PPY: variants seen among roughly 807,000 people sequenced by gnomAD.
PPY encodes the protein pancreatic polypeptide prohormone.
Under a neutral mutation model 9.3 loss-of-function variants are expected in PPY, and 6 were observed. The ratio of observed to expected loss-of-function variants is 0.64; its 90% CI spans 0.35 to 1.27. The LOEUF is 1.27. Among genes scored for constraint, PPY ranks in the 50% most tolerant of loss-of-function variants. The pLI, the probability that PPY is intolerant of heterozygous loss-of-function variation, is 0.03. For synonymous variants in PPY, 58 were observed against 54.6 expected, an observed-to-expected ratio of 1.06 and a Z score of -0.27; for missense variants, 109 against 119.1, an observed-to-expected ratio of 0.91 and a Z score of 0.40.
chr17:43,941,611 G>C lies in PPY; in HGVS notation c.44C>G (p.Thr15Ser). 1 of 1,613,164 alleles carries C rather than the reference G, an allele frequency of 6.2e-7. No individual in the cohort carries two copies. The highest frequency in any genetic ancestry group is 2.2e-5 in the East Asian group (1 of 44,880). ...TGGCTGTAGTAACAGAGCCACGCAG[G>C]TGGACAGGAGCAGCAGGGAGAGGCA... ...RLCLSLLLLS[T>S]CVALLLQPLL... The change falls in exon 2 of 4, where the codon ACC (threonine) becomes AGC (serine). Residue 15 changes from threonine (T) to serine (S), a missense_variant. By Grantham distance (58) the Thr-to-Ser change is moderately conservative. Coordinates refer to ENST00000225992, the MANE Select transcript of PPY (RefSeq NM_002722.5).
rs763483847 is a variant in PPY at position 43,941,229 on chromosome 17, G to A, written c.192-15C>T. On this transcript the variant is annotated splice_polypyrimidine_tract_variant and intron_variant, in intron 2 of 3. Transcript: ENST00000225992. ...TTTTCCCATACCTGGGAGGGAAGAGGCAGCAGGGGCAAGCACTGTGCCCAG... is the reference window on the plus strand; with the variant it reads ...TTTTCCCATACCTGGGAGGGAAGAGACAGCAGGGGCAAGCACTGTGCCCAG... 3.2e-5 allele frequency: 50 copies of A among 1,551,112 alleles called. No individual in the cohort carries two copies. The highest frequency in any genetic ancestry group is 4.3e-5 in the Non-Finnish European group (49 of 1,146,930).
At chr17:43,944,171 C>T (rs778933005), upstream of PPY, among the ~76,000 whole-genome samples, 3 of 152,154 alleles carry the variant, frequency 2.0e-5, no homozygotes, top group Non-Finnish European at 4.4e-5. Context: ...CCAGAGGGCG[C>T]CAGGCTCCAA....
In PPY at chr17:43,940,971, A is replaced by G. The variant is rs1420227805; in HGVS notation, c.264-19T>C. The G allele has an allele frequency of 1.9e-6, 3 of 1,605,958 alleles. No individual in the cohort carries two copies. The highest frequency in any genetic ancestry group is 2.5e-6 in the Non-Finnish European group (3 of 1,176,510). On this transcript the variant is annotated intron_variant, in intron 3 of 3. Transcript: ENST00000225992. ...GAGCTCCCTGTGAGGACAGGGCAGA[A>G]CATGGCAGTGTAGGGGGTAGGCCTC...
intron 1 of PPY, 109 bp from the exon 2 acceptor site, chr17:43,941,763 G>T (rs955083411): frequency 8.2e-7 from 1 of 1,225,172 alleles, no homozygotes; most frequent in Non-Finnish European, 1.1e-6. Flanking sequence ...ATTTCTCCAA[G>T]CCTGGGGACA....
upstream of PPY, among the ~76,000 whole-genome samples, chr17:43,944,010 C>T (rs1053575688): frequency 3.3e-5 from 5 of 152,252 alleles, no homozygotes; most frequent in African/African-American, 1.2e-4. Flanking sequence ...AGACAACTTA[C>T]ATTCCACAAA....
chr17:43,941,381 C>A, intron 2 of PPY, 83 bp downstream of exon 2: 1 of 1,587,928 alleles, frequency 6.3e-7, no homozygotes, highest in Admixed American at 1.7e-5. Context: ...GGGGCTGGGG[C>A]TGGGGATAGG....
intron 3 of PPY, 59 bp downstream of exon 3, chr17:43,941,084 C>T: frequency 1.3e-6 from 2 of 1,547,326 alleles, no homozygotes; most frequent in Non-Finnish European, 8.7e-7. Flanking sequence ...TGATTCAGTC[C>T]CACCACCCCC....
intron 1 of PPY, among the ~76,000 whole-genome samples, chr17:43,941,881 G>T (rs2055987360): frequency 6.6e-6 from 1 of 152,120 alleles, no homozygotes; most frequent in South Asian, 2.1e-4. Flanking sequence ...CCAGGGCCTC[G>T]CAAGTTAGAA....
At chr17:43,943,526 GC>G (rs1360738822), upstream of PPY, among the ~76,000 whole-genome samples, 1 of 152,078 alleles carries the variant, frequency 6.6e-6, no homozygotes, top group African/African-American at 2.4e-5. Flanking sequence ...CCCACCAGAA[GC>G]CCCTGAGTCT....
At chr17:43,941,694 C>T (rs2048580596) in intron 1 of PPY, 40 bp from the exon 2 acceptor site, 2 of 1,537,402 alleles carry the variant, frequency 1.3e-6, no homozygotes, top group African/African-American at 1.4e-5. Context: ...GCCCGGGCTG[C>T]AGATTTTCCC....
At chr17:43,941,235 G>C (rs1326006608) in intron 2 of PPY, 21 bp from the exon 3 acceptor site, 1 of 1,551,130 alleles carries the variant, frequency 6.4e-7, no homozygotes, top group Admixed American at 2.0e-5. Flanking sequence ...AGAGGCAGCA[G>C]GGGCAAGCAC....
At chr17:43,941,080 A>C (rs1213931643) in intron 3 of PPY, 63 bp downstream of exon 3, 1 of 1,546,550 alleles carries the variant, frequency 6.5e-7, no homozygotes, top group East Asian at 2.4e-5. Context: ...GCCCTGATTC[A>C]GTCCCACCAC....
Position 43,941,613 on chromosome 17 carries a change from G to T in PPY, c.42C>A (p.Ser14=), listed in dbSNP as rs1181821137. ...ARLCLSLLLL[S]TCVALLLQPL... ...GCTGTAGTAACAGAGCCACGCAGGT[G>T]GACAGGAGCAGCAGGGAGAGGCAGA... Residue 14 remains serine, a synonymous_variant, in exon 2 of 4, where the codon TCC becomes TCA. Coordinates refer to ENST00000225992, the MANE Select transcript of PPY (RefSeq NM_002722.5). 1 of 1,613,076 alleles carries T rather than the reference G, an allele frequency of 6.2e-7. No individual in the cohort carries two copies. The highest frequency in any genetic ancestry group is 8.5e-7 in the Non-Finnish European group (1 of 1,179,896).
In PPY at chr17:43,942,170, G is replaced by A; in HGVS notation, c.-1+251C>T. On this transcript the variant is annotated intron_variant, in intron 1 of 3. Coordinates refer to ENST00000225992, the MANE Select transcript of PPY (RefSeq NM_002722.5). This position sits in a 1 kb window ranked among gnomAD's most constrained non-coding sequence, Gnocchi z 5.3. ...CAGACCAGCAAAGGCACTCACACAG[G>A]GACCCCAGTCACTCACAAGGTCACA... The A allele has an allele frequency of 5.8e-6, 1 of 171,418 alleles. No individual in the cohort carries two copies. Among genetic ancestry groups the A allele is most frequent in the South Asian group, 1.5e-4 (1 of 6,748 alleles). 10.6% of individuals were successfully genotyped at this position (171,418 alleles called of 1,614,324 possible).
At chr17:43,941,727 C>A in intron 1 of PPY, 73 bp from the exon 2 acceptor site, 1 of 1,408,170 alleles carries the variant, frequency 7.1e-7, no homozygotes, top group South Asian at 1.3e-5. Flanking sequence ...CAGGGCCCAA[C>A]TATCCAGCCC....
chr17:43,943,328 A>G (rs573079777), upstream of PPY, among the ~76,000 whole-genome samples: 81 of 152,312 alleles, frequency 5.3e-4, no homozygotes, highest in African/African-American at 1.9e-3. Flanking sequence ...ACAGCCAGTC[A>G]GACCCCAAAA....
Position 43,941,176 on chromosome 17 carries a change from G to A in PPY, c.230C>T (p.Ser77Leu), listed in dbSNP as rs771706654. The A allele has an allele frequency of 4.5e-5, 70 of 1,551,588 alleles. No individual in the cohort carries two copies. The highest frequency in any genetic ancestry group is 4.6e-5 in the Non-Finnish European group (53 of 1,147,002). Residue 77 changes from serine (S) to leucine (L), a missense_variant, in exon 3 of 4, where the codon TCG (serine) becomes TTG (leucine). Physicochemically the swap from Ser to Leu is moderately radical, Grantham distance 145 (BLOSUM62 -2). Transcript: ENST00000225992. ...AGCAGCATGCGGGGACCCCCACTCC[G>A]AGAAGGCCAGCGTGTCCTCTTTGTG... ...KRHKEDTLAFSEWGSPHAAVP... is the reference protein window; with the variant it reads ...KRHKEDTLAFLEWGSPHAAVP...
At position 43,941,516 on chromosome 17, in the gene PPY, C is replaced by T; in HGVS notation, c.139G>A (p.Ala47Thr). The T allele has an allele frequency of 6.2e-7, 1 of 1,614,040 alleles. No individual in the cohort carries two copies. ...PGDNATPEQM[A>T]QYAADLRRYI... is the part of the protein sequence containing the mutation. ...CTACGGAGATCAGCTGCATACTGGGCCATCTGCTCTGGTGTGGCATTGTCC... is the reference window on the plus strand; with the variant it reads ...CTACGGAGATCAGCTGCATACTGGGTCATCTGCTCTGGTGTGGCATTGTCC... Residue 47 changes from alanine to threonine, a missense_variant, in exon 2 of 4, where the codon GCC (alanine) becomes ACC (threonine). By Grantham distance (58) the Ala-to-Thr change is moderately conservative. Coordinates refer to ENST00000225992, the MANE Select transcript of PPY (RefSeq NM_002722.5).
chr17:43,944,182 C>A (rs113553334), upstream of PPY, among the ~76,000 whole-genome samples: 7 of 152,306 alleles, frequency 4.6e-5, no homozygotes, highest in African/African-American at 1.7e-4. Flanking sequence ...CAGGCTCCAA[C>A]CCTAGTTAAA....
Sources: gnomAD v4.1 joint callset for allele counts (sites outside exome capture counted in the v4.1 genomes callset) on GRCh38, gnomAD v4.1.1 for gene constraint, Gnocchi (gnomAD v3.1) non-coding constraint, MANE v1.5 for transcripts, NCBI Gene and HGNC (gene_info 2026-07-23, HGNC 2026-07-21) for gene names.